PPP4R4: variants seen among roughly 807,000 people sequenced by gnomAD.
PPP4R4 encodes protein phosphatase 4 regulatory subunit 4.
Under a neutral mutation model 121.8 loss-of-function variants are expected in PPP4R4, and 70 were observed. That is an observed-to-expected ratio of 0.57 (90% CI 0.47 to 0.70). The LOEUF (loss-of-function observed/expected upper bound fraction) is 0.70, where lower values mean the gene tolerates loss of function less well. Among genes scored for constraint, PPP4R4 ranks in the 30% least tolerant of loss-of-function variants. PPP4R4 has a pLI of 0.00. For missense variants in PPP4R4, 875 were observed against 1,033.6 expected, an observed-to-expected ratio of 0.85 and a Z score of 2.10; for synonymous variants, 348 against 355.7, an observed-to-expected ratio of 0.98 and a Z score of 0.24.
intron 14 of PPP4R4, among the ~76,000 whole-genome samples, chr14:94,247,333 C>T (rs1324071850): frequency 6.6e-6 from 1 of 152,228 alleles, no homozygotes; most frequent in Admixed American, 6.5e-5. Flanking sequence ...TGGGGTAGTG[C>T]AAGCTGGGTG....
chr14:94,231,814 G>A (rs1892053144), intron 5 of PPP4R4, among the ~76,000 whole-genome samples: 1 of 151,926 alleles, frequency 6.6e-6, no homozygotes, highest in African/African-American at 2.4e-5. Context: ...TGGATCAGAG[G>A]GCATTAATAT....
At chr14:94,199,686 G>T (rs565184475) in intron 2 of PPP4R4, among the ~76,000 whole-genome samples, 67 of 152,270 alleles carry the variant, frequency 4.4e-4, no homozygotes, top group South Asian at 4.4e-3. Flanking sequence ...CTGGAGTCGG[G>T]CTGCTTAGCA....
At position 94,250,250 on chromosome 14, in the gene PPP4R4, C is replaced by G. The variant is rs1893107950; in HGVS notation, c.1690C>G (p.His564Asp). 1.9e-6 allele frequency: 3 copies of G among 1,608,960 alleles called. No individual in the cohort carries two copies. Among genetic ancestry groups the G allele is most frequent in the Non-Finnish European group, 1.7e-6 (2 of 1,175,952 alleles). Residue 564 changes from histidine (H) to aspartate (D), a missense_variant, in exon 15 of 25, where the codon CAT becomes GAT. Coordinates refer to ENST00000304338, the MANE Select transcript of PPP4R4 (RefSeq NM_058237.2). Reference protein sequence around the residue: ...LRYNRKQEQRHEVIQKLIEQL... With the variant: ...LRYNRKQEQRDEVIQKLIEQL... ...TTATAATCGTAAACAAGAACAGAGACATGAGGTCATTCAAAAATTAATTGA... is the reference window on the plus strand; with the variant it reads ...TTATAATCGTAAACAAGAACAGAGAGATGAGGTCATTCAAAAATTAATTGA...
At position 94,265,904 on chromosome 14, in the gene PPP4R4, CT is replaced by C; in HGVS notation, c.2378+19del. Reference sequence around the variant, plus strand: ...ATGTGCTAGGTACGATCTGTAAGCCCTTCAATTTTTAACATAATTTTTATCT... The same window carrying C: ...ATGTGCTAGGTACGATCTGTAAGCCCTCAATTTTTAACATAATTTTTATCT... On this transcript the variant is annotated intron_variant, in intron 22 of 24. Coordinates refer to ENST00000304338, the MANE Select transcript of PPP4R4 (RefSeq NM_058237.2). 6.9e-7 allele frequency: 1 copy of C among 1,455,540 alleles called. No homozygotes were observed. The highest frequency in any genetic ancestry group is 9.4e-7 in the Non-Finnish European group (1 of 1,065,920). The allele number at this position is 1,455,540 out of a possible 1,614,324, so 90.2% of individuals were successfully genotyped here. A position where few individuals can be genotyped will look rare whatever the true frequency, so the allele number is the denominator to read the frequency against.
intron 3 of PPP4R4, among the ~76,000 whole-genome samples, chr14:94,218,137 A>G (rs1891130264): frequency 6.6e-6 from 1 of 152,224 alleles, no homozygotes; most frequent in South Asian, 2.1e-4. Context: ...AAACATAGAG[A>G]TAGAAAAGAG....
rs891801239 is a variant in PPP4R4 at position 94,183,066 on chromosome 14, C to T, written c.191+6939C>T. 5.3e-5 allele frequency among the ~76,000 whole-genome samples: 8 copies of T among 152,102 alleles called. 1 individual carries two copies. Among genetic ancestry groups the T allele is most frequent in the Admixed American group, 4.6e-4 (7 of 15,268 alleles). ...TTCTTTCCCTACAAGAAGGGGAGTT[C>T]TATAAGGTTTTACTTGGCTACACTG... is the stretch of plus-strand genomic sequence containing the variant. On this transcript the variant is annotated intron_variant, in intron 2 of 24. Transcript: ENST00000304338.
chr14:94,241,514 A>T (rs924188654), intron 9 of PPP4R4, among the ~76,000 whole-genome samples: 1 of 152,050 alleles, frequency 6.6e-6, no homozygotes, highest in Non-Finnish European at 1.5e-5. Context: ...CTACAATATG[A>T]TACATGCTGC....
Position 94,277,589 on chromosome 14 carries a change from TA to T in PPP4R4, c.2598-1028del, listed in dbSNP as rs1276041123. ...AGAGCATATTTAGTAACATCAAAAG[TA>T]ATCTCTTGTCCACTTGCTATATTTT... On this transcript the variant is annotated intron_variant, in intron 24 of 24. Transcript: ENST00000304338. Among the ~76,000 whole-genome samples the T allele has an allele frequency of 3.3e-5, 5 of 152,318 alleles. No homozygotes were observed. In the East Asian group the frequency reaches 5.8e-4, roughly 18 times the overall value.
At chr14:94,272,887 T>C (rs998885719) in intron 23 of PPP4R4, among the ~76,000 whole-genome samples, 26 of 152,280 alleles carry the variant, frequency 1.7e-4, no homozygotes, top group Non-Finnish European at 1.5e-4. Context: ...AAAACAAGCA[T>C]ATGCAAAGAT....
At chr14:94,192,735 A>G (rs1474929606) in intron 2 of PPP4R4, among the ~76,000 whole-genome samples, 1 of 152,202 alleles carries the variant, frequency 6.6e-6, no homozygotes, top group African/African-American at 2.4e-5. Flanking sequence ...ATGTCACGTC[A>G]TCATTTTTGG....
At chr14:94,229,431 T>A (rs1891891949) in intron 3 of PPP4R4, among the ~76,000 whole-genome samples, 1 of 152,054 alleles carries the variant, frequency 6.6e-6, no homozygotes, top group African/African-American at 2.4e-5. Flanking sequence ...TTTATCAGGA[T>A]GAGGAAGATT....
intron 3 of PPP4R4, among the ~76,000 whole-genome samples, chr14:94,211,841 T>A (rs982838818): frequency 1.3e-5 from 2 of 152,046 alleles, no homozygotes; most frequent in Non-Finnish European, 2.9e-5. Flanking sequence ...TCGTAACAGA[T>A]TGGGTTTGTG....
chr14:94,182,844 A>G (rs1367197066), intron 2 of PPP4R4, among the ~76,000 whole-genome samples: 2 of 152,170 alleles, frequency 1.3e-5, no homozygotes, highest in Admixed American at 6.5e-5. Flanking sequence ...AGATATTGCT[A>G]AACAGTTTTC....
chr14:94,242,486 G>GT, intron 11 of PPP4R4, 78 bp downstream of exon 11: 1 of 1,388,338 alleles, frequency 7.2e-7, no homozygotes, highest in South Asian at 1.3e-5. Flanking sequence ...TGTGCTTATA[G>GT]ATTATAAGAT....
intron 2 of PPP4R4, among the ~76,000 whole-genome samples, chr14:94,206,816 G>A (rs1458508088): frequency 6.6e-6 from 1 of 151,774 alleles, no homozygotes; most frequent in African/African-American, 2.4e-5. Context: ...TCTGGTTGTT[G>A]TAACAAATTA....
chr14:94,223,307 A>G (rs903173105), intron 3 of PPP4R4, among the ~76,000 whole-genome samples: 1 of 152,224 alleles, frequency 6.6e-6, no homozygotes, highest in African/African-American at 2.4e-5. Context: ...GAGGCCTAGG[A>G]TGATATCTTT....
Position 94,193,171 on chromosome 14 carries a change from C to T in PPP4R4, c.192-15293C>T, listed in dbSNP as rs186582151. On this transcript the variant is annotated intron_variant, in intron 2 of 24. Transcript: ENST00000304338. ...ATTGAGGACAAACTTTTTTTTTTAA[C>T]CATATGTTTTTTAAAAGCATTAAGC... 4.3e-3 allele frequency among the ~76,000 whole-genome samples: 647 copies of T among 151,762 alleles called. 4 individuals are homozygous for T. The highest frequency in any genetic ancestry group is 0.015 in the African/African-American group (607 of 41,408).
intron 16 of PPP4R4, among the ~76,000 whole-genome samples, chr14:94,255,542 A>G (rs1188456039): frequency 6.6e-6 from 1 of 151,416 alleles, no homozygotes; most frequent in Non-Finnish European, 1.5e-5. Flanking sequence ...CGGAGCCTGC[A>G]GTGAGCCGAG....
intron 2 of PPP4R4, among the ~76,000 whole-genome samples, chr14:94,182,345 A>T (rs1012142155): frequency 3.3e-5 from 5 of 152,212 alleles, no homozygotes; most frequent in African/African-American, 7.2e-5. Context: ...TCACAAGTGA[A>T]CACACCCATG....
Sources: gnomAD v4.1 joint callset for allele counts (sites outside exome capture counted in the v4.1 genomes callset) on GRCh38, gnomAD v4.1.1 for gene constraint, MANE v1.5 for transcripts, NCBI Gene and HGNC (gene_info 2026-07-23, HGNC 2026-07-21) for gene names.